Variants in NUP58 observed in about 807,000 individuals in gnomAD.
NUP58 encodes the protein nucleoporin p58/p45.
Under a neutral mutation model 70.1 loss-of-function variants are expected in NUP58, and 17 were observed. The observed-to-expected ratio is 0.24, with a 90% CI of 0.17 to 0.36. The LOEUF (loss-of-function observed/expected upper bound fraction) is 0.36, where lower values mean the gene tolerates loss of function less well. Ranked by LOEUF, NUP58 falls within the 10% of genes least tolerant of loss-of-function variation. The pLI, the probability that NUP58 is intolerant of heterozygous loss-of-function variation, is 1.00. For missense variants in NUP58, 644 were observed against 701.5 expected, an observed-to-expected ratio of 0.92 and a Z score of 0.93; for synonymous variants, 275 against 257.6, an observed-to-expected ratio of 1.07 and a Z score of -0.65.
At chr13:25,339,368 G>A (rs781743815) in intron 15 of NUP58, among the ~76,000 whole-genome samples, 2 of 152,252 alleles carry the variant, frequency 1.3e-5, no homozygotes, top group African/African-American at 2.4e-5. Flanking sequence ...ATTAAGTAGC[G>A]TTTAAAATCA....
intron 8 of NUP58, 42 bp from the exon 9 acceptor site, chr13:25,320,875 CAA>C (rs1463452654): frequency 7.8e-7 from 1 of 1,274,328 alleles, no homozygotes; most frequent in Non-Finnish European, 1.1e-6. Flanking sequence ...TGTAGGAAAC[CAA>C]AGATACATTT....
chr13:25,306,154 C>T (rs182054949), intron 1 of NUP58, among the ~76,000 whole-genome samples: 101 of 151,988 alleles, frequency 6.6e-4, no homozygotes, highest in African/African-American at 2.3e-3. Context: ...GCCTGTAATC[C>T]CAGCACTTTG....
Position 25,316,342 on chromosome 13 carries a change from C to G in NUP58, c.685+875C>G, listed in dbSNP as rs1200677619. 1.1e-4 allele frequency among the ~76,000 whole-genome samples: 16 copies of G among 152,152 alleles called. 1 individual carries two copies. The South Asian group carries it at 2.9e-3, about 28-fold the overall frequency. ...CTGCTTCTGATGAAAGCATGTTTCA[C>G]TAGAATATATACCATATATACTAGG... On this transcript the variant is annotated intron_variant, in intron 6 of 15. Transcript: ENST00000381736.
At chr13:25,338,947 GTTTGA>G in intron 15 of NUP58, 1 of 342,678 alleles carries the variant, frequency 2.9e-6, no homozygotes, top group Non-Finnish European at 5.3e-6. Flanking sequence ...AGACTTCTTA[GTTTGA>G]TTTAATAATT....
chr13:25,302,027 C>T (rs1393957421), intron 1 of NUP58, 147 bp downstream of exon 1: 4 of 610,724 alleles, frequency 6.5e-6, no homozygotes, highest in African/African-American at 1.9e-5. Context: ...CGCCCGGCGT[C>T]GTAGGCCTCT....
chr13:25,320,453 CTA>C (rs1409318883), intron 7 of NUP58, 75 bp from the exon 8 acceptor site: 1 of 974,448 alleles, frequency 1.0e-6, no homozygotes, highest in Non-Finnish European at 1.6e-6. Flanking sequence ...TCTTAATACT[CTA>C]ATACTCTATT....
chr13:25,343,826 T>TATAC (rs1491561346), downstream of NUP58, among the ~76,000 whole-genome samples: 357 of 127,560 alleles, frequency 2.8e-3, no homozygotes, highest in African/African-American at 1.0e-2. Context: ...TATATATATA[T>TATAC]ACACATATAT....
At chr13:25,307,661 G>T in intron 1 of NUP58, 145 bp from the exon 2 acceptor site, 1 of 649,886 alleles carries the variant, frequency 1.5e-6, no homozygotes, top group Non-Finnish European at 2.5e-6. Flanking sequence ...TTTTCTTTTT[G>T]GGTCCTATGA....
chr13:25,325,588 A>G (rs2031363584), intron 10 of NUP58, among the ~76,000 whole-genome samples: 1 of 152,230 alleles, frequency 6.6e-6, no homozygotes, highest in African/African-American at 2.4e-5. Flanking sequence ...TTTCCCATGC[A>G]GTGTGCTTAG....
intron 13 of NUP58, among the ~76,000 whole-genome samples, 190 bp from the exon 14 acceptor site, chr13:25,336,742 TTAGA>T (rs1267932562): frequency 3.3e-5 from 5 of 152,156 alleles, no homozygotes; most frequent in African/African-American, 4.8e-5. Context: ...TTTTTAATTT[TTAGA>T]TAGATAAATC....
chr13:25,326,961 G>A lies in NUP58; in HGVS notation c.1077G>A (p.Gln359=), dbSNP rs1360034963. ...LVQQFEVQLQ[Q]YRQQIEELEN... ...AGCAATTTGAGGTACAGCTTCAGCA[G>A]TACAGGCAGCAGATTGAAGAACTAG... Residue 359 remains glutamine, a synonymous_variant, in exon 11 of 16, where the codon CAG becomes CAA. Transcript: ENST00000381736. 5 of 1,608,860 alleles carry A rather than the reference G, an allele frequency of 3.1e-6. No homozygotes were observed. In the East Asian group the frequency reaches 9.0e-5, roughly 29 times the overall value.
chr13:25,331,273 G>C, intron 12 of NUP58, 84 bp from the exon 13 acceptor site: 1 of 1,270,280 alleles, frequency 7.9e-7, no homozygotes, highest in Non-Finnish European at 1.1e-6. Context: ...GACTGTCTTT[G>C]GTAATTTATG....
chr13:25,327,188 A>G (rs1593193068), intron 11 of NUP58, among the ~76,000 whole-genome samples, 154 bp downstream of exon 11: 1 of 152,270 alleles, frequency 6.6e-6, no homozygotes, highest in East Asian at 1.9e-4. Flanking sequence ...TAAATATAAT[A>G]TGCTTTATTA....
At chr13:25,324,880 T>G in intron 9 of NUP58, 109 bp from the exon 10 acceptor site, 1 of 732,060 alleles carries the variant, frequency 1.4e-6, no homozygotes, top group Non-Finnish European at 2.3e-6. Flanking sequence ...ACCTCCAAGG[T>G]ATTGTTTGAA....
intron 6 of NUP58, among the ~76,000 whole-genome samples, chr13:25,318,322 C>T (rs59447071): frequency 0.012 from 1,751 of 151,956 alleles, 44 homozygotes; most frequent in African/African-American, 0.04. Flanking sequence ...AGTGAGACTC[C>T]GTCTCAGAAA....
chr13:25,345,566 A>ATTTT (rs2032039085), downstream of NUP58, among the ~76,000 whole-genome samples: 2 of 107,408 alleles, frequency 1.9e-5, no homozygotes, highest in African/African-American at 6.5e-5. Context: ...CATCCCAGCA[A>ATTTT]CTGGATGATG....
chr13:25,349,468 A>G (rs1296651650), intron 3 of NUP58: 4 of 152,556 alleles, frequency 2.6e-5, no homozygotes, highest in Non-Finnish European at 4.4e-5. Context: ...GGTTTAGCTT[A>G]CGTAAGGTGC....
At chr13:25,305,944 C>T (rs564192135) in intron 1 of NUP58, among the ~76,000 whole-genome samples, 24 of 152,214 alleles carry the variant, frequency 1.6e-4, no homozygotes, top group African/African-American at 4.3e-4. Context: ...CCCTGGTAAA[C>T]GGCATGTTCC....
chr13:25,304,521 T>TATATATGTGTA (rs1491553153), intron 1 of NUP58, among the ~76,000 whole-genome samples: 7 of 53,400 alleles, frequency 1.3e-4, no homozygotes, highest in African/African-American at 4.3e-4. Context: ...TATATATGTA[T>TATATATGTGTA]TTTTTTTTTT....
Sources: gnomAD v4.1 joint callset for allele counts (sites outside exome capture counted in the v4.1 genomes callset) on GRCh38, gnomAD v4.1.1 for gene constraint, MANE v1.5 for transcripts, NCBI Gene and HGNC (gene_info 2026-07-23, HGNC 2026-07-21) for gene names.